Variants in SOX5 observed in about 807,000 individuals in gnomAD.
SOX5 encodes transcription factor SOX-5.
SOX5 carries 9 observed loss-of-function variants against 92.0 expected under a neutral mutation model. That is an observed-to-expected ratio of 0.10 (90% confidence interval 0.06 to 0.17). The LOEUF (loss-of-function observed/expected upper bound fraction) is 0.17, where lower values mean the gene tolerates loss of function less well. Among genes scored for constraint, SOX5 ranks in the 10% least tolerant of loss-of-function variants. The probability of loss-of-function intolerance (pLI) is 1.00; values close to 1 mark genes in which losing one functional copy is unlikely to be tolerated. For synonymous variants in SOX5, 344 were observed against 336.3 expected (o/e 1.02, Z -0.25); for missense variants, 642 against 944.5 (o/e 0.68, Z 4.20).
At chr12:23,607,910 G>C (rs2075440820) in intron 8 of SOX5, among the ~76,000 whole-genome samples, 2 of 151,874 alleles carry the variant, frequency 1.3e-5, no homozygotes, top group African/African-American at 4.8e-5. Flanking sequence ...TTTTATGATA[G>C]TGAAGTTGTC....
At chr12:24,061,138 T>C (rs11047243) in intron 4 of SOX5, among the ~76,000 whole-genome samples, 4,117 of 152,062 alleles carry the variant, frequency 0.027, 62 homozygotes, top group Non-Finnish European at 0.036. Flanking sequence ...GTAATTGCTA[T>C]TGTCAAGTTT....
chr12:24,086,702 T>A (rs1321320615), intron 4 of SOX5, among the ~76,000 whole-genome samples: 1 of 152,004 alleles, frequency 6.6e-6, no homozygotes, highest in Non-Finnish European at 1.5e-5. Flanking sequence ...GGAGTTTGAG[T>A]GGTCTGAAGG....
intron 6 of SOX5, among the ~76,000 whole-genome samples, chr12:23,729,223 T>A (rs1461292903): frequency 6.6e-6 from 1 of 152,138 alleles, no homozygotes; most frequent in African/African-American, 2.4e-5. Flanking sequence ...AGGTATTATA[T>A]TTCCTTTTTT....
intron 3 of SOX5, among the ~76,000 whole-genome samples, chr12:23,808,218 T>C (rs2095815735): frequency 6.6e-6 from 1 of 152,096 alleles, no homozygotes; most frequent in African/African-American, 2.4e-5. Flanking sequence ...GCTGTGGAAA[T>C]GAATCAAAGT....
chr12:24,354,446 A>G (rs1460661401), intron 2 of SOX5, among the ~76,000 whole-genome samples: 2 of 152,268 alleles, frequency 1.3e-5, no homozygotes, highest in Non-Finnish European at 2.9e-5. Flanking sequence ...CCTCAGCACA[A>G]TGAAAAGCCA....
At chr12:24,359,601 T>C (rs1299158282) in intron 2 of SOX5, among the ~76,000 whole-genome samples, 1 of 152,256 alleles carries the variant, frequency 6.6e-6, no homozygotes, top group African/African-American at 2.4e-5. Context: ...AACTGTACTC[T>C]TTCTATTGCA....
At chr12:23,825,787 A>G (rs1285935623) in intron 3 of SOX5, among the ~76,000 whole-genome samples, 1 of 152,224 alleles carries the variant, frequency 6.6e-6, no homozygotes, top group African/African-American at 2.4e-5. Flanking sequence ...GGTATAGTGT[A>G]TAAATATCTA....
At chr12:23,549,381 A>G (rs938444225) in intron 11 of SOX5, among the ~76,000 whole-genome samples, 2 of 151,912 alleles carry the variant, frequency 1.3e-5, no homozygotes, top group Non-Finnish European at 2.9e-5. Context: ...ATAATCTGAT[A>G]AAAATCACGG....
intron 10 of SOX5, among the ~76,000 whole-genome samples, chr12:23,570,929 AAATATATATATATATATATATATAT>A (rs1311561547): frequency 0.014 from 216 of 15,988 alleles, 25 homozygotes; most frequent in Non-Finnish European, 0.023. Context: ...AAAAAAAAAA[AAATATATATATATATATATATATAT>A]ATATATATAT....
At chr12:24,012,290 C>G (rs975534282) in intron 4 of SOX5, among the ~76,000 whole-genome samples, 6 of 152,096 alleles carry the variant, frequency 3.9e-5, no homozygotes, top group African/African-American at 1.4e-4. Context: ...GAAGAAAAGT[C>G]TTGTTCATGA....
intron 1 of SOX5, among the ~76,000 whole-genome samples, chr12:24,459,818 A>G (rs1943425832): frequency 6.6e-6 from 1 of 152,182 alleles, no homozygotes; most frequent in African/African-American, 2.4e-5. Context: ...ATTTTAGTAG[A>G]GAGTGGCCAG....
intron 3 of SOX5, among the ~76,000 whole-genome samples, chr12:23,844,696 T>C (rs969871901): frequency 1.3e-5 from 2 of 152,206 alleles, no homozygotes; most frequent in African/African-American, 4.8e-5. Flanking sequence ...TTAAACATTA[T>C]TGCTGTTTCA....
chr12:24,017,404 T>C (rs1953756217), intron 4 of SOX5, among the ~76,000 whole-genome samples: 1 of 152,042 alleles, frequency 6.6e-6, no homozygotes, highest in African/African-American at 2.4e-5. Flanking sequence ...AAGACCAGCC[T>C]GGCCAACATG....
chr12:23,693,998 T>C (rs1302822434), intron 6 of SOX5, among the ~76,000 whole-genome samples: 1 of 152,190 alleles, frequency 6.6e-6, no homozygotes, highest in Non-Finnish European at 1.5e-5. Context: ...ATTTTAGCCT[T>C]TACAAAAACA....
At chr12:23,800,506 C>A (rs2095641170) in intron 3 of SOX5, among the ~76,000 whole-genome samples, 3 of 151,148 alleles carry the variant, frequency 2.0e-5, no homozygotes, top group Non-Finnish European at 4.4e-5. Flanking sequence ...GGTAATATTT[C>A]AAAATTGGGA....
At chr12:23,678,771 GCAAAT>G (rs1264189470) in intron 6 of SOX5, among the ~76,000 whole-genome samples, 6 of 152,028 alleles carry the variant, frequency 3.9e-5, no homozygotes, top group Non-Finnish European at 7.4e-5. Flanking sequence ...CAAACAGATA[GCAAAT>G]AAAAGAGCTA....
At chr12:24,181,095 G>A (rs1320079277) in intron 4 of SOX5, among the ~76,000 whole-genome samples, 3 of 152,178 alleles carry the variant, frequency 2.0e-5, no homozygotes, top group Non-Finnish European at 4.4e-5. Context: ...GATATTCCAT[G>A]GTTGGAGGAA....
At chr12:23,887,606 T>C (rs902720930) in intron 2 of SOX5, among the ~76,000 whole-genome samples, 3 of 152,150 alleles carry the variant, frequency 2.0e-5, no homozygotes, top group Non-Finnish European at 4.4e-5. Flanking sequence ...CCCAGCCAAG[T>C]ATTTCATCAT....
chr12:23,637,983 G>A (rs1005183268), intron 8 of SOX5: 2 of 152,136 alleles, frequency 1.3e-5, no homozygotes, highest in African/African-American at 4.8e-5. Flanking sequence ...AAGACTACAG[G>A]TTTCTCCATG....
Sources: allele counts gnomAD v4.1 joint callset (sites outside exome capture counted in the v4.1 genomes callset), GRCh38; gene constraint gnomAD v4.1.1; transcripts MANE v1.5; gene names NCBI Gene and HGNC (gene_info 2026-07-23, HGNC 2026-07-21).